ZBTB7A: variants seen among roughly 807,000 people sequenced by gnomAD.
The protein encoded by ZBTB7A is zinc finger and BTB domain-containing protein 7A.
ZBTB7A carries 7 observed loss-of-function variants against 26.7 expected under a neutral mutation model. The ratio of observed to expected loss-of-function variants is 0.26; its 90% CI spans 0.15 to 0.49. ZBTB7A has a LOEUF of 0.49. ZBTB7A is among the 20% of genes least tolerant of loss of function. The probability of loss-of-function intolerance (pLI) is 0.98; values close to 1 mark genes in which losing one functional copy is unlikely to be tolerated. For synonymous variants in ZBTB7A, 452 were observed against 441.0 expected, an observed-to-expected ratio of 1.02 and a Z score of -0.31; for missense variants, 617 against 919.5, an observed-to-expected ratio of 0.67 and a Z score of 4.25.
chr19:4,065,206 G>C (rs1002436134), intron 1 of ZBTB7A, among the ~76,000 whole-genome samples: 3 of 151,610 alleles, frequency 2.0e-5, no homozygotes, highest in Non-Finnish European at 3.0e-5. Flanking sequence ...CGCGCTTTGG[G>C]GGCGCGGACG....
chr19:4,062,327 G>A (rs1330383234), intron 1 of ZBTB7A: 1 of 152,210 alleles, frequency 6.6e-6, no homozygotes, highest in African/African-American at 2.4e-5. Context: ...CTGCGCTTTG[G>A]GGCTCTGGAC....
At chr19:4,065,563 G>A (rs1298252209) in intron 1 of ZBTB7A, 1 of 145,150 alleles carries the variant, frequency 6.9e-6, no homozygotes, top group Non-Finnish European at 1.5e-5. Context: ...CGCCGCCGGC[G>A]GCCAATCCCC....
chr19:4,048,873 G>A lies in ZBTB7A; in HGVS notation c.1263-629C>T. Among the ~76,000 whole-genome samples the A allele has an allele frequency of 6.6e-6, 1 of 151,106 alleles. No homozygotes were observed. Among genetic ancestry groups the A allele is most frequent in the East Asian group, 2.0e-4 (1 of 5,060 alleles). ...CTCAAAAAACAAATCTGCCAGGCGT[G>A]GTGGCGCAGGCCTATAATCCCAGCT... On this transcript the variant is annotated intron_variant, in intron 2 of 2. Coordinates refer to ENST00000322357, the MANE Select transcript of ZBTB7A (RefSeq NM_015898.4). This position sits in a 1 kb window ranked among gnomAD's most constrained non-coding sequence, Gnocchi z 6.7.
Position 4,048,377 on chromosome 19 carries a change from G to A in ZBTB7A, c.1263-133C>T, listed in dbSNP as rs1034486211. ...ACACGGACCGTGCACCAGAGGTTTC[G>A]GTGCCCCGATGGGGACGGTCCCTCG... On this transcript the variant is annotated intron_variant, in intron 2 of 2. Coordinates refer to ENST00000322357, the MANE Select transcript of ZBTB7A (RefSeq NM_015898.4). This position sits in a 1 kb window ranked among gnomAD's most constrained non-coding sequence, Gnocchi z 6.7. 2.3e-6 allele frequency: 3 copies of A among 1,278,730 alleles called. No homozygotes were observed. Among genetic ancestry groups the A allele is most frequent in the African/African-American group, 1.6e-5 (1 of 63,970 alleles). 79.2% of individuals were successfully genotyped at this position (1,278,730 alleles called of 1,614,324 possible).
intron 1 of ZBTB7A, among the ~76,000 whole-genome samples, chr19:4,058,204 G>A (rs1038949219): frequency 2.0e-5 from 3 of 152,184 alleles, no homozygotes; most frequent in Non-Finnish European, 4.4e-5. Context: ...AACAGAGACC[G>A]GGCTACAGCC....
At chr19:4,053,688 TGTGTGC>T (rs977186959) in intron 2 of ZBTB7A, among the ~76,000 whole-genome samples, 9 of 151,078 alleles carry the variant, frequency 6.0e-5, no homozygotes, top group South Asian at 2.1e-4. Flanking sequence ...TGCGTGTGCG[TGTGTGC>T]GTCTGTGTGT....
At chr19:4,062,411 C>T (rs947106961) in intron 1 of ZBTB7A, among the ~76,000 whole-genome samples, 3 of 152,200 alleles carry the variant, frequency 2.0e-5, no homozygotes, top group African/African-American at 7.2e-5. Context: ...ATAATCGCCC[C>T]AGAGACCCAC....
chr19:4,055,497 G>T, intron 1 of ZBTB7A: 1 of 984,514 alleles, frequency 1.0e-6, no homozygotes, highest in Non-Finnish European at 1.2e-6. Flanking sequence ...TACAGAGACA[G>T]GCTATCACCA....
chr19:4,053,574 CATGTCGGTGTGCGTGT>C, intron 2 of ZBTB7A, among the ~76,000 whole-genome samples: 1 of 135,582 alleles, frequency 7.4e-6, no homozygotes, highest in African/African-American at 2.9e-5. Context: ...TGTGTGCGCG[CATGTCGGTGTGCGTGT>C]GTGTGCGTGC....
Position 4,054,500 on chromosome 19 carries a change from G to A in ZBTB7A, c.733C>T (p.Pro245Ser). 1 of 1,416,506 alleles carries A rather than the reference G, an allele frequency of 7.1e-7. No homozygotes were observed. Among genetic ancestry groups the A allele is most frequent in the Non-Finnish European group, 9.1e-7 (1 of 1,095,994 alleles). 87.7% of individuals were successfully genotyped at this position (1,416,506 alleles called of 1,614,324 possible). The change falls in exon 2 of 3, where the codon CCA becomes TCA. Residue 245 changes from proline to serine, a missense_variant. Around this residue, in one of 5 missense-constraint regions of ZBTB7A, gnomAD observed 331 missense variants for 391.3 expected, o/e 0.85. Coordinates refer to ENST00000322357, the MANE Select transcript of ZBTB7A (RefSeq NM_015898.4). ...GTGGGGGCGTCCTCATCCCGCTCTG[G>A]CCACAGACCCGGGTTGCTGTCGCCC... ...DEGDSNPGLW[P>S]ERDEDAPTGG...
chr19:4,046,158 G>A lies in ZBTB7A; in HGVS notation c.*1594C>T, dbSNP rs901573172. 5.0e-6 allele frequency: 2 copies of A among 398,526 alleles called. No homozygotes were observed. The highest frequency in any genetic ancestry group is 8.9e-6 in the Non-Finnish European group (2 of 225,902). 24.7% of individuals were successfully genotyped at this position (398,526 alleles called of 1,614,324 possible). ...ACCTCTTCACGTCAGAACCAAAAAA[G>A]GGGACAGAAAGGGGGAGCGGGGGGA... On this transcript the variant is annotated 3_prime_UTR_variant, in exon 3 of 3. Transcript: ENST00000322357.
intron 1 of ZBTB7A, among the ~76,000 whole-genome samples, chr19:4,056,240 T>G (rs2144997000): frequency 6.6e-6 from 1 of 152,338 alleles, no homozygotes; most frequent in East Asian, 1.9e-4. Context: ...TTTCCCCAGC[T>G]GTGCATGAGG....
In ZBTB7A at chr19:4,055,589, G is replaced by A. The variant is rs143689179; in HGVS notation, c.-15-342C>T. ...TGTAATCCCAGCACTTTGGGAGGCC[G>A]AGACAGGCAGATCATGAGGTCAGGG... On this transcript the variant is annotated intron_variant, in intron 1 of 2. Transcript: ENST00000322357. 3.5e-3 allele frequency: 1,647 copies of A among 465,624 alleles called. 28 individuals carry two copies. Among genetic ancestry groups the A allele is most frequent in the African/African-American group, 0.031 (1,447 of 47,180 alleles). 28.8% of individuals were successfully genotyped at this position (465,624 alleles called of 1,614,324 possible).
intron 2 of ZBTB7A, among the ~76,000 whole-genome samples, chr19:4,049,148 A>ATGTG (rs141419678): frequency 0.021 from 890 of 41,544 alleles, 48 homozygotes; most frequent in Admixed American, 0.027. Flanking sequence ...ATTAAACTAT[A>ATGTG]TGTGTGTGTG....
chr19:4,056,057 T>G (rs1371570619), intron 1 of ZBTB7A, among the ~76,000 whole-genome samples: 1 of 151,446 alleles, frequency 6.6e-6, no homozygotes, highest in Non-Finnish European at 1.5e-5. Flanking sequence ...ATGAGAATGG[T>G]CAGATGTCCT....
At position 4,049,196 on chromosome 19, in the gene ZBTB7A, A is replaced by G. The variant is rs2040469399; in HGVS notation, c.1263-952T>C. On this transcript the variant is annotated intron_variant, in intron 2 of 2. Transcript: ENST00000322357. ...TATATATATATATATATATATATAT[A>G]TATATATATATATGTAAGTTTGAGA... is the stretch of plus-strand genomic sequence containing the variant. Among the ~76,000 whole-genome samples the G allele has an allele frequency of 7.4e-5, 3 of 40,476 alleles. 1 individual carries two copies. The allele number at this position is 40,476 out of a possible 152,430, so 26.6% of individuals were successfully genotyped here.
intron 1 of ZBTB7A, among the ~76,000 whole-genome samples, chr19:4,060,931 T>A (rs184860821): frequency 1.5e-3 from 227 of 152,242 alleles, no homozygotes; most frequent in African/African-American, 5.1e-3. Context: ...TCACCCCTCA[T>A]GTGCTGTGCA....
intron 1 of ZBTB7A, among the ~76,000 whole-genome samples, chr19:4,058,412 T>G (rs2040604913): frequency 1.3e-5 from 2 of 151,348 alleles, no homozygotes; most frequent in Admixed American, 6.6e-5. Flanking sequence ...CTGGGGGGAC[T>G]GTGTCTGTCC....
chr19:4,056,853 C>T (rs1419679596), intron 1 of ZBTB7A, among the ~76,000 whole-genome samples: 3 of 151,228 alleles, frequency 2.0e-5, no homozygotes, highest in Admixed American at 6.6e-5. Context: ...GGCCACAGAG[C>T]GAGACTCCGT....
Sources: gnomAD v4.1 joint callset for allele counts (sites outside exome capture counted in the v4.1 genomes callset) on GRCh38, gnomAD v4.1.1 for gene constraint, gnomAD v4.1.1 regional missense constraint, Gnocchi (gnomAD v3.1) non-coding constraint, MANE v1.5 for transcripts, NCBI Gene and HGNC (gene_info 2026-07-23, HGNC 2026-07-21) for gene names.